CRYBG2: variants seen among roughly 807,000 people sequenced by gnomAD.
The protein encoded by CRYBG2 is crystallin beta-gamma domain containing 2.
In CRYBG2, 106 loss-of-function variants were observed where a neutral mutation model predicts 153.4. That is an observed-to-expected ratio of 0.69 (90% CI 0.59 to 0.81). The LOEUF (loss-of-function observed/expected upper bound fraction) is 0.81. Among genes scored for constraint, CRYBG2 ranks in the 30% least tolerant of loss-of-function variants. CRYBG2 has a pLI of 0.00. For missense variants in CRYBG2, 1,996 were observed against 2,112.0 expected (o/e 0.95, Z 1.08); for synonymous variants, 851 against 877.8 (o/e 0.97, Z 0.54).
At chr1:26,348,169 G>A (rs576351981) in intron 1 of CRYBG2, among the ~76,000 whole-genome samples, 1 of 152,314 alleles carries the variant, frequency 6.6e-6, no homozygotes, top group South Asian at 2.1e-4. Context: ...GTGACCAAAT[G>A]TTAGCTGGTG....
At position 26,344,700 on chromosome 1, in the gene CRYBG2, C is replaced by T; in HGVS notation, c.1958G>A (p.Gly653Asp). 6.5e-7 allele frequency: 1 copy of T among 1,532,552 alleles called. No individual in the cohort carries two copies. The highest frequency in any genetic ancestry group is 8.7e-7 in the Non-Finnish European group (1 of 1,144,562). The allele number at this position is 1,532,552 out of a possible 1,614,324, so 94.9% of individuals were successfully genotyped here. A position where few individuals can be genotyped will look rare whatever the true frequency, so the allele number is the denominator to read the frequency against. ...IQKEAVQGIA[G>D]SLAPPLTKEE... is the part of the protein sequence containing the mutation. ...CTTGGTGAGGGGCGGGGCAAGGCTG[C>T]CTGCAATACCCTGGACAGCCTCTTT... Residue 653 changes from glycine to aspartate, a missense_variant, in exon 2 of 20, where the codon GGC becomes GAC. Coordinates refer to ENST00000308182, the MANE Select transcript of CRYBG2 (RefSeq NM_001039775.4).
At chr1:26,351,295 C>T (rs181522378) in intron 1 of CRYBG2, among the ~76,000 whole-genome samples, 1 of 152,326 alleles carries the variant, frequency 6.6e-6, no homozygotes, top group Non-Finnish European at 1.5e-5. Flanking sequence ...CCTCGCTGAG[C>T]ACCTCCTAAG....
chr1:26,330,429 A>G (rs1420600041), intron 15 of CRYBG2, among the ~76,000 whole-genome samples: 1 of 151,916 alleles, frequency 6.6e-6, no homozygotes, highest in African/African-American at 2.4e-5. Context: ...CAACTATGTG[A>G]CCTGGAGCCT....
intron 5 of CRYBG2, among the ~76,000 whole-genome samples, chr1:26,342,044 G>A (rs1402209056): frequency 6.6e-6 from 1 of 152,168 alleles, no homozygotes; most frequent in Admixed American, 6.5e-5. Flanking sequence ...CCTATTGCCT[G>A]GCACCGGTGC....
At chr1:26,329,983 C>T (rs2073980122) in intron 15 of CRYBG2, among the ~76,000 whole-genome samples, 1 of 152,214 alleles carries the variant, frequency 6.6e-6, no homozygotes, top group African/African-American at 2.4e-5. Flanking sequence ...GATCTGCCCG[C>T]CTTGGCTTCC....
rs755650532 is a variant in CRYBG2 at position 26,345,966 on chromosome 1, C to T, written c.692G>A (p.Arg231His). 3 of 1,593,310 alleles carry T rather than the reference C, an allele frequency of 1.9e-6. No individual in the cohort carries two copies. Among genetic ancestry groups the T allele is most frequent in the South Asian group, 1.1e-5 (1 of 90,778 alleles). Reference protein sequence around the residue: ...VVGSPPGSPSRSQAVKVLSNL... With the variant: ...VVGSPPGSPSHSQAVKVLSNL... The stretch of plus-strand genomic sequence containing the variant: ...ACTTAGCACTTTCACGGCCTGGCTG[C>T]GGCTGGGCGAGCCTGGTGGGGAGCC... Residue 231 changes from arginine (R) to histidine (H), a missense_variant, in exon 2 of 20, where the codon CGC becomes CAC. By Grantham distance (29) the Arg-to-His change is conservative (BLOSUM62 0). Coordinates refer to ENST00000308182, the MANE Select transcript of CRYBG2 (RefSeq NM_001039775.4).
At chr1:26,323,796 T>G (rs2073888036) in intron 18 of CRYBG2, among the ~76,000 whole-genome samples, 1 of 152,032 alleles carries the variant, frequency 6.6e-6, no homozygotes, top group Non-Finnish European at 1.5e-5. Flanking sequence ...TTGTTTGGCC[T>G]CAAACTCCTG....
In CRYBG2 at chr1:26,343,630, A is replaced by G. The variant is rs1220659672; in HGVS notation, c.2913+115T>C. ...GCACAGGTCAACTGAACCAGACTTC[A>G]GACAGAAGCCTCTGCCCCCAGACTC... On this transcript the variant is annotated intron_variant, in intron 2 of 19. Coordinates refer to ENST00000308182, the MANE Select transcript of CRYBG2 (RefSeq NM_001039775.4). The surrounding 1 kb of genome is among the most constrained non-coding windows in gnomAD (Gnocchi z 4.1). 2.1e-5 allele frequency: 28 copies of G among 1,312,174 alleles called. No individual in the cohort carries two copies. The highest frequency in any genetic ancestry group is 2.7e-5 in the Non-Finnish European group (27 of 991,586). The allele number at this position is 1,312,174 out of a possible 1,614,324, so 81.3% of individuals were successfully genotyped here.
At chr1:26,352,792 C>T (rs2074300444) in intron 1 of CRYBG2, among the ~76,000 whole-genome samples, 1 of 150,496 alleles carries the variant, frequency 6.6e-6, no homozygotes, top group East Asian at 2.0e-4. Context: ...CTCCTCCACC[C>T]CCCTTCCCTC....
In CRYBG2 at chr1:26,325,825, T is replaced by G. The variant is rs1196551117; in HGVS notation, c.4579-1515A>C. 6.6e-6 allele frequency among the ~76,000 whole-genome samples: 1 copy of G among 152,186 alleles called. No homozygotes were observed. Among genetic ancestry groups the G allele is most frequent in the Non-Finnish European group, 1.5e-5 (1 of 68,038 alleles). ...AGGCACGGACATACAGAAACACATA[T>G]GCAGGCAGTGCTTCCCCAAGTGAGG... On this transcript the variant is annotated intron_variant, in intron 17 of 19. Coordinates refer to ENST00000308182, the MANE Select transcript of CRYBG2 (RefSeq NM_001039775.4). This position sits in a 1 kb window ranked among gnomAD's most constrained non-coding sequence, Gnocchi z 4.1.
At position 26,337,380 on chromosome 1, in the gene CRYBG2, C is replaced by T; in HGVS notation, c.3645-1G>A. On this transcript the variant is annotated splice_acceptor_variant, in intron 9 of 19. Transcript: ENST00000308182. LOFTEE classifies it high-confidence loss of function. ...GCCCTCCTTCTCGTAGCCCACCCAG[C>T]TGGGAAAAGCAGGAGGACAGACAGG... 3 of 1,613,134 alleles carry T rather than the reference C, an allele frequency of 1.9e-6. No homozygotes were observed. The highest frequency in any genetic ancestry group is 1.1e-5 in the South Asian group (1 of 90,960).
At position 26,339,323 on chromosome 1, in the gene CRYBG2, A is replaced by T; in HGVS notation, c.3311T>A (p.Leu1104Gln). The change falls in exon 6 of 20, where the codon CTG (leucine) becomes CAG (glutamine). Residue 1104 changes from leucine to glutamine, a missense_variant. Leu to Gln is a moderately radical substitution (Grantham distance 113). Coordinates refer to ENST00000308182, the MANE Select transcript of CRYBG2 (RefSeq NM_001039775.4). ...AGAGACGGTGGCAGATGCCACCTGCAGGGGCTTCTCCAGACCCTGGGAATT... is the reference window on the plus strand; with the variant it reads ...AGAGACGGTGGCAGATGCCACCTGCTGGGGCTTCTCCAGACCCTGGGAATT... ...LKNSQGLEKPLQVASATVSAG... is the reference protein window; with the variant it reads ...LKNSQGLEKPQQVASATVSAG... 6.2e-7 allele frequency: 1 copy of T among 1,614,190 alleles called. No individual in the cohort carries two copies.
intron 5 of CRYBG2, among the ~76,000 whole-genome samples, chr1:26,340,343 C>G (rs375867699): frequency 6.6e-6 from 1 of 152,134 alleles, no homozygotes; most frequent in African/African-American, 2.4e-5. Flanking sequence ...AAGTGAGGCA[C>G]GGAGAAGTTA....
chr1:26,332,609 C>T (rs1410919318), intron 14 of CRYBG2, among the ~76,000 whole-genome samples: 5 of 152,002 alleles, frequency 3.3e-5, no homozygotes, highest in Non-Finnish European at 7.4e-5. Flanking sequence ...TGGGTTTAAG[C>T]AATTCTCCTG....
intron 15 of CRYBG2, among the ~76,000 whole-genome samples, chr1:26,330,512 A>G (rs1302880132): frequency 2.0e-5 from 3 of 151,296 alleles, no homozygotes; most frequent in Non-Finnish European, 4.4e-5. Context: ...GGAGAAGATT[A>G]AAAGGCTTTA....
chr1:26,339,447 A>C lies in CRYBG2; in HGVS notation c.3205-18T>G, dbSNP rs138263294. The C allele has an allele frequency of 1.3e-5, 21 of 1,613,090 alleles. No homozygotes were observed. In the East Asian group the frequency reaches 4.5e-4, roughly 34 times the overall value. ...CTGTAGTCCTGTGGAAGGAGGGGGA[A>C]AATTAAATATAGATAAACAGCCAGG... is the stretch of plus-strand genomic sequence containing the variant. On this transcript the variant is annotated intron_variant, in intron 5 of 19. Transcript: ENST00000308182.
Position 26,336,003 on chromosome 1 carries a change from A to G in CRYBG2, c.4184+92T>C. ...AAGACAGAACAGTTCATCGCAAGGTAGCCAAAGGAAGGAAATCATTTGAAA... is the reference window on the plus strand; with the variant it reads ...AAGACAGAACAGTTCATCGCAAGGTGGCCAAAGGAAGGAAATCATTTGAAA... On this transcript the variant is annotated intron_variant, in intron 14 of 19. Transcript: ENST00000308182. This position sits in a 1 kb window ranked among gnomAD's most constrained non-coding sequence, Gnocchi z 4.9. The G allele has an allele frequency of 1.9e-6, 2 of 1,080,432 alleles. No individual in the cohort carries two copies. Among genetic ancestry groups the G allele is most frequent in the Non-Finnish European group, 1.3e-6 (1 of 770,566 alleles). The allele number at this position is 1,080,432 out of a possible 1,614,324, so 66.9% of individuals were successfully genotyped here.
At chr1:26,329,525 G>A (rs917995488) in intron 15 of CRYBG2, among the ~76,000 whole-genome samples, 2 of 150,476 alleles carry the variant, frequency 1.3e-5, no homozygotes, top group Non-Finnish European at 2.9e-5. Context: ...TGTTGCCCAG[G>A]CTGGAGTGCA....
intron 8 of CRYBG2, 78 bp from the exon 9 acceptor site, chr1:26,337,752 A>T: frequency 6.4e-7 from 1 of 1,555,158 alleles, no homozygotes; most frequent in South Asian, 1.2e-5. Flanking sequence ...GCCCAGCATC[A>T]GGCCAATGTG....
Sources: allele counts gnomAD v4.1 joint callset (sites outside exome capture counted in the v4.1 genomes callset), GRCh38; gene constraint gnomAD v4.1.1; non-coding constraint Gnocchi (gnomAD v3.1); transcripts MANE v1.5; gene names NCBI Gene and HGNC (gene_info 2026-07-23, HGNC 2026-07-21).